MRAS: variants seen among roughly 807,000 people sequenced by gnomAD.
The protein encoded by MRAS is muscle RAS oncogene homolog, also known as ras-related protein M-Ras.
Under a neutral mutation model 20.9 loss-of-function variants are expected in MRAS, and 4 were observed. The ratio of observed to expected loss-of-function variants is 0.19; its 90% CI spans 0.09 to 0.44. MRAS has a LOEUF of 0.44. MRAS is among the 20% of genes least tolerant of loss of function. The probability of loss-of-function intolerance (pLI) is 0.99; values close to 1 mark genes in which losing one functional copy is unlikely to be tolerated. For synonymous variants in MRAS, 98 were observed against 102.9 expected (o/e 0.95, Z 0.29); for missense variants, 154 against 277.5 (o/e 0.56, Z 3.16).
intron 1 of MRAS, among the ~76,000 whole-genome samples, chr3:138,355,176 A>G (rs921765511): frequency 2.0e-5 from 3 of 152,132 alleles, no homozygotes; most frequent in South Asian, 2.1e-4. Flanking sequence ...ATAACTTCAC[A>G]GTTTTCCCTT....
intron 2 of MRAS, among the ~76,000 whole-genome samples, chr3:138,393,624 T>G (rs1176727680): frequency 2.0e-5 from 3 of 152,170 alleles, no homozygotes; most frequent in African/African-American, 7.2e-5. Flanking sequence ...TAGTTTCCAT[T>G]TAGATAGTAT....
At position 138,374,518 on chromosome 3, in the gene MRAS, T is replaced by C. The variant is rs2054742876; in HGVS notation, c.193+1442T>C. Among the ~76,000 whole-genome samples the C allele has an allele frequency of 2.0e-5, 3 of 152,340 alleles. No homozygotes were observed. The South Asian group carries it at 6.2e-4, about 32-fold the overall frequency. On this transcript the variant is annotated intron_variant, in intron 2 of 5. Transcript: ENST00000423968. Reference sequence around the variant, plus strand: ...ATTTTTCTGAATAGACCATAGTGACTGCAAGTAAAGACAGTTTTACTTCTT... The same window carrying C: ...ATTTTTCTGAATAGACCATAGTGACCGCAAGTAAAGACAGTTTTACTTCTT...
At chr3:138,399,193 G>A (rs1025502865) in intron 4 of MRAS, among the ~76,000 whole-genome samples, 4 of 152,304 alleles carry the variant, frequency 2.6e-5, no homozygotes, top group South Asian at 2.1e-4. Flanking sequence ...GAGCAAGTGC[G>A]TCATTCTGAG....
rs796234346 is a variant in MRAS at position 138,367,611 on chromosome 3, C to T, written c.-18-5255C>T. Among the ~76,000 whole-genome samples, 3 of 152,300 alleles carry T rather than the reference C, an allele frequency of 2.0e-5. No homozygotes were observed. The East Asian group carries it at 5.8e-4, about 29-fold the overall frequency. On this transcript the variant is annotated intron_variant, in intron 1 of 5. Coordinates refer to ENST00000423968, the MANE Select transcript of MRAS (RefSeq NM_001085049.3). ...CCTTTCAGAAGGATGGGTGTGACCCCCTGCTTCTTAGCACAAGGGAGGCCC... is the reference window on the plus strand; with the variant it reads ...CCTTTCAGAAGGATGGGTGTGACCCTCTGCTTCTTAGCACAAGGGAGGCCC...
intron 1 of MRAS, among the ~76,000 whole-genome samples, chr3:138,351,316 A>G (rs189993492): frequency 2.6e-5 from 4 of 152,340 alleles, no homozygotes; most frequent in African/African-American, 7.2e-5. Flanking sequence ...TTCTTGTGCA[A>G]TGCTGGAATG....
At chr3:138,362,870 C>G (rs1306811998) in intron 1 of MRAS, among the ~76,000 whole-genome samples, 1 of 152,024 alleles carries the variant, frequency 6.6e-6, no homozygotes, top group African/African-American at 2.4e-5. Flanking sequence ...GCCACTCTTA[C>G]CCCCGACACC....
At chr3:138,364,269 C>T (rs1187860590) in intron 1 of MRAS, among the ~76,000 whole-genome samples, 1 of 152,068 alleles carries the variant, frequency 6.6e-6, no homozygotes, top group African/African-American at 2.4e-5. Context: ...TCAAGGAACT[C>T]AGGAAAGGCT....
At chr3:138,364,303 T>G (rs1419404538) in intron 1 of MRAS, among the ~76,000 whole-genome samples, 1 of 152,086 alleles carries the variant, frequency 6.6e-6, no homozygotes, top group Non-Finnish European at 1.5e-5. Context: ...AGGAGGGACT[T>G]GGGATGGACT....
Position 138,390,924 on chromosome 3 carries a change from T to C in MRAS, c.194-6400T>C, listed in dbSNP as rs565761264. 2.1e-4 allele frequency among the ~76,000 whole-genome samples: 32 copies of C among 152,382 alleles called. No homozygotes were observed. The South Asian group carries it at 6.6e-3, about 32-fold the overall frequency. ...ATTTCATTGAGAATTGAAAATTTATTATTATCAAACTGTGTATGGTTTTCT... is the reference window on the plus strand; with the variant it reads ...ATTTCATTGAGAATTGAAAATTTATCATTATCAAACTGTGTATGGTTTTCT... On this transcript the variant is annotated intron_variant, in intron 2 of 5. Transcript: ENST00000423968.
intron 2 of MRAS, among the ~76,000 whole-genome samples, chr3:138,375,396 G>A (rs567952691): frequency 6.6e-6 from 1 of 152,196 alleles, no homozygotes; most frequent in East Asian, 1.9e-4. Context: ...CTCATAGAAC[G>A]AGTTTTATTC....
Position 138,405,436 on chromosome 3 carries a change from G to A in MRAS, c.*3167G>A, listed in dbSNP as rs1168114706. 1.3e-5 allele frequency: 2 copies of A among 152,708 alleles called. No individual in the cohort carries two copies. The highest frequency in any genetic ancestry group is 2.4e-5 in the African/African-American group (1 of 41,474). The allele number at this position is 152,708 out of a possible 1,614,324, so 9.5% of individuals were successfully genotyped here. ...TAACAGGTGGCCATTGTCGTGAAAC[G>A]AGTGATGCCTGAAGATCTCAGTGAT... On this transcript the variant is annotated 3_prime_UTR_variant, in exon 6 of 6. Coordinates refer to ENST00000423968, the MANE Select transcript of MRAS (RefSeq NM_001085049.3).
intron 1 of MRAS, among the ~76,000 whole-genome samples, chr3:138,362,505 C>T (rs867287540): frequency 5.3e-5 from 8 of 152,104 alleles, no homozygotes; most frequent in South Asian, 2.1e-4. Flanking sequence ...TGGAGCACTT[C>T]GAGTTTGTCC....
chr3:138,370,917 CT>C lies in MRAS; in HGVS notation c.-18-1942del, dbSNP rs536284259. Among the ~76,000 whole-genome samples, 4 of 152,238 alleles carry C rather than the reference CT, an allele frequency of 2.6e-5. No individual in the cohort carries two copies. In the South Asian group the frequency reaches 8.3e-4, roughly 32 times the overall value. On this transcript the variant is annotated intron_variant, in intron 1 of 5. Coordinates refer to ENST00000423968, the MANE Select transcript of MRAS (RefSeq NM_001085049.3). The stretch of plus-strand genomic sequence containing the variant: ...ACTTACTAGCTGTTTTGCAGCCTGT[CT>C]TTTTTTCATACATAACAACACACTT...
rs79084753 is a variant in MRAS, at chr3:138,381,805, C to T, written c.193+8729C>T. Among the ~76,000 whole-genome samples, 98 of 152,366 alleles carry T rather than the reference C, an allele frequency of 6.4e-4. 2 individuals carry two copies. In the East Asian group the frequency reaches 0.017, roughly 26 times the overall value. The stretch of plus-strand genomic sequence containing the variant: ...AAACCTCAGACACAAGTGCTGTTGT[C>T]TTCTCAGAGGGGCCTGAACCTGGCT... On this transcript the variant is annotated intron_variant, in intron 2 of 5. Transcript: ENST00000423968.
rs139016329 is a variant in MRAS at position 138,397,881 on chromosome 3, AAAC to A, written c.347+407_347+409del. 5.1e-3 allele frequency among the ~76,000 whole-genome samples: 775 copies of A among 152,350 alleles called. 5 individuals are homozygous for A. The highest frequency in any genetic ancestry group is 0.018 in the African/African-American group (729 of 41,574). On this transcript the variant is annotated intron_variant, in intron 3 of 5. Transcript: ENST00000423968. ...CCGAATACATGAATTGCAAAAGAGAAAACAAAAATGGCTCAAATGTGGGAAAAT... is the reference window on the plus strand; with the variant it reads ...CCGAATACATGAATTGCAAAAGAGAAAAAAATGGCTCAAATGTGGGAAAAT...
chr3:138,363,824 C>G (rs543977168), intron 1 of MRAS, among the ~76,000 whole-genome samples: 11 of 99,538 alleles, frequency 1.1e-4, no homozygotes, highest in East Asian at 3.3e-4. Context: ...GATTTACCCC[C>G]CCCCCCCCCC....
chr3:138,365,070 G>A (rs555306347), intron 1 of MRAS, among the ~76,000 whole-genome samples: 5 of 152,324 alleles, frequency 3.3e-5, no homozygotes, highest in Admixed American at 6.5e-5. Context: ...TTCAGATCCC[G>A]ACACTGCCTC....
intron 2 of MRAS, among the ~76,000 whole-genome samples, chr3:138,391,132 CT>C (rs2055124590): frequency 6.6e-6 from 1 of 152,126 alleles, no homozygotes; most frequent in Non-Finnish European, 1.5e-5. Flanking sequence ...GCAATTTCTA[CT>C]TTTATTGATA....
intron 2 of MRAS, among the ~76,000 whole-genome samples, chr3:138,395,231 G>T (rs1471057310): frequency 6.6e-6 from 1 of 151,860 alleles, no homozygotes; most frequent in East Asian, 1.9e-4. Context: ...AGTAGAGACG[G>T]GGTTTCATTT....
Sources: gnomAD v4.1 joint callset for allele counts (sites outside exome capture counted in the v4.1 genomes callset) on GRCh38, gnomAD v4.1.1 for gene constraint, MANE v1.5 for transcripts, NCBI Gene and HGNC (gene_info 2026-07-23, HGNC 2026-07-21) for gene names.